The following SPMAP2L variants were observed in gnomAD, a reference collection of about 807,000 sequenced individuals.
SPMAP2L encodes the protein sperm microtubule associated protein 2-like.
At chr4:56,563,657 T>C in the SPMAP2L span, among the ~76,000 whole-genome samples, 12,409 of 152,228 alleles carry the variant, frequency 0.082, 550 homozygotes, top group Admixed American at 0.11. Context: ...ATAACTTTAG[T>C]AAAAAGTTAA....
the SPMAP2L span, chr4:56,601,147 T>C: frequency 6.7e-7 from 1 of 1,498,804 alleles, no homozygotes; most frequent in Non-Finnish European, 8.9e-7. Flanking sequence ...CAGGAAAGGC[T>C]GGGGTTCTGG....
the SPMAP2L span, among the ~76,000 whole-genome samples, chr4:56,613,969 T>C: frequency 6.6e-6 from 1 of 152,180 alleles, no homozygotes; most frequent in Non-Finnish European, 1.5e-5. Flanking sequence ...CACCACCACA[T>C]AGGCTGTGGA....
the SPMAP2L span, among the ~76,000 whole-genome samples, chr4:56,549,092 G>T: frequency 6.6e-6 from 1 of 151,210 alleles, no homozygotes; most frequent in Admixed American, 6.6e-5. Flanking sequence ...GGGTTCAAGT[G>T]ATTCTCCTTC....
At chr4:56,532,971 ATTTTCAGCTTAAGGG>A in the SPMAP2L span, among the ~76,000 whole-genome samples, 2 of 152,004 alleles carry the variant, frequency 1.3e-5, no homozygotes, top group Non-Finnish European at 2.9e-5. Context: ...CCCCTATCAA[ATTTTCAGCTTAAGGG>A]ACTTCAAATC....
At chr4:56,563,685 G>C in the SPMAP2L span, among the ~76,000 whole-genome samples, 1 of 152,094 alleles carries the variant, frequency 6.6e-6, no homozygotes, top group Admixed American at 6.5e-5. Flanking sequence ...TTTCTGGAAA[G>C]GGCCAGATAG....
chr4:56,593,801 T>G, the SPMAP2L span: 13 of 1,600,544 alleles, frequency 8.1e-6, no homozygotes, highest in African/African-American at 1.7e-4. Flanking sequence ...CAGCAACATC[T>G]GTACAGCTCA....
the SPMAP2L span, among the ~76,000 whole-genome samples, chr4:56,604,532 C>A: frequency 6.6e-6 from 1 of 151,906 alleles, no homozygotes; most frequent in African/African-American, 2.4e-5. Context: ...GTGGTACACA[C>A]CTGTAATCCC....
chr4:56,587,456 T>C, the SPMAP2L span, among the ~76,000 whole-genome samples: 1 of 151,912 alleles, frequency 6.6e-6, no homozygotes, highest in Non-Finnish European at 1.5e-5. Flanking sequence ...TAGTCTTTTG[T>C]CCCTCACCCC....
chr4:56,531,269 G>A, the SPMAP2L span: 2 of 1,411,876 alleles, frequency 1.4e-6, no homozygotes, highest in Non-Finnish European at 1.9e-6. Flanking sequence ...GGGGTCCTAA[G>A]GTGGAGGTTT....
At chr4:56,559,458 G>A in the SPMAP2L span, 4 of 1,532,650 alleles carry the variant, frequency 2.6e-6, no homozygotes, top group Non-Finnish European at 3.5e-6. Flanking sequence ...AGGCTCAGCT[G>A]ACCAAAAGAC....
chr4:56,590,398 A>G, the SPMAP2L span, among the ~76,000 whole-genome samples: 1 of 152,240 alleles, frequency 6.6e-6, no homozygotes, highest in Non-Finnish European at 1.5e-5. Context: ...AGGTTCATTC[A>G]ATGTGCAAGA....
chr4:56,543,949 AGT>A, the SPMAP2L span, among the ~76,000 whole-genome samples: 246 of 115,794 alleles, frequency 2.1e-3, 7 homozygotes, highest in Middle Eastern at 0.014. Flanking sequence ...AGAGAGAGAG[AGT>A]GTGTGTGTGT....
the SPMAP2L span, among the ~76,000 whole-genome samples, chr4:56,567,456 T>TG: frequency 7.0e-6 from 1 of 142,076 alleles, no homozygotes; most frequent in African/African-American, 2.6e-5. Flanking sequence ...TTTTTTTTTT[T>TG]TTTTTTTTTT....
the SPMAP2L span, among the ~76,000 whole-genome samples, chr4:56,544,637 C>T: frequency 6.6e-6 from 1 of 152,016 alleles, no homozygotes; most frequent in African/African-American, 2.4e-5. Context: ...TAAATTTCAA[C>T]TTGTGTCGCA....
At chr4:56,536,369 A>G in the SPMAP2L span, among the ~76,000 whole-genome samples, 1 of 152,200 alleles carries the variant, frequency 6.6e-6, no homozygotes, top group East Asian at 1.9e-4. Flanking sequence ...CTCCTCTGCC[A>G]GGGCACTCTT....
chr4:56,617,634 G>A, the SPMAP2L span, among the ~76,000 whole-genome samples: 1 of 152,236 alleles, frequency 6.6e-6, no homozygotes, highest in African/African-American at 2.4e-5. Flanking sequence ...GTGTTACAGG[G>A]TGCTCTTTTT....
chr4:56,576,152 C>G, the SPMAP2L span, among the ~76,000 whole-genome samples: 2 of 152,142 alleles, frequency 1.3e-5, no homozygotes, highest in Non-Finnish European at 2.9e-5. Context: ...CTACTGTGTG[C>G]TACTTTAGTC....
chr4:56,559,609 C>T, the SPMAP2L span: 1 of 1,291,632 alleles, frequency 7.7e-7, no homozygotes, highest in East Asian at 3.2e-5. Context: ...ACACTGTCAC[C>T]TAGGCTGGAG....
the SPMAP2L span, among the ~76,000 whole-genome samples, chr4:56,588,432 ATT>A: frequency 7.0e-5 from 10 of 142,474 alleles, no homozygotes; most frequent in Non-Finnish European, 4.6e-5. Flanking sequence ...ATCTTCCAGA[ATT>A]TTTTTTTTTT....
Sources: allele counts gnomAD v4.1 joint callset (sites outside exome capture counted in the v4.1 genomes callset), GRCh38; gene constraint gnomAD v4.1.1; transcripts MANE v1.5; gene names NCBI Gene and HGNC (gene_info 2026-07-23, HGNC 2026-07-21).